CISD1: variants seen among roughly 807,000 people sequenced by gnomAD.
CISD1 encodes CDGSH iron sulfur domain 1.
CISD1 carries 8 observed loss-of-function variants against 12.0 expected under a neutral mutation model. The ratio of observed to expected loss-of-function variants is 0.67; its 90% CI spans 0.39 to 1.20. The LOEUF is 1.20. Ranked by LOEUF, CISD1 falls within the 50% of genes most tolerant of loss-of-function variation. The pLI, the probability that CISD1 is intolerant of heterozygous loss-of-function variation, is 0.01. For missense variants in CISD1, 107 were observed against 132.7 expected, an observed-to-expected ratio of 0.81 and a Z score of 0.95; for synonymous variants, 38 against 42.2, an observed-to-expected ratio of 0.90 and a Z score of 0.39.
At chr10:58,278,318 C>T (rs1161298793) in intron 2 of CISD1, among the ~76,000 whole-genome samples, 3 of 151,972 alleles carry the variant, frequency 2.0e-5, no homozygotes, top group Non-Finnish European at 4.4e-5. Flanking sequence ...CAGATCACTT[C>T]AGCCCATTAG....
At chr10:58,283,733 A>G (rs1488951064) in intron 2 of CISD1, among the ~76,000 whole-genome samples, 3 of 152,188 alleles carry the variant, frequency 2.0e-5, no homozygotes, top group African/African-American at 7.2e-5. Context: ...TGTTTTTTCT[A>G]CTAAAGCTTT....
Position 58,277,291 on chromosome 10 carries a change from C to G in CISD1, c.206C>G (p.Ala69Gly), listed in dbSNP as rs769192686. Residue 69 changes from alanine (A) to glycine (G), a missense_variant, in exon 2 of 3, where the codon GCT becomes GGT. Transcript: ENST00000333926. ...AFDMEDLGDK[A>G]VYCRCWRSKK... Reference sequence around the variant, plus strand: ...GACATGGAGGATTTGGGAGATAAAGCTGTGTACTGCCGTTGTTGGAGGTCC... The same window carrying G: ...GACATGGAGGATTTGGGAGATAAAGGTGTGTACTGCCGTTGTTGGAGGTCC... 4 of 1,604,062 alleles carry G rather than the reference C, an allele frequency of 2.5e-6. No individual in the cohort carries two copies. Among genetic ancestry groups the G allele is most frequent in the Non-Finnish European group, 3.4e-6 (4 of 1,175,612 alleles).
intron 2 of CISD1, among the ~76,000 whole-genome samples, chr10:58,282,119 G>A (rs1290524658): frequency 6.6e-6 from 1 of 152,088 alleles, no homozygotes; most frequent in Non-Finnish European, 1.5e-5. Context: ...GCACAACCAT[G>A]CCTGGCTAAT....
chr10:58,274,337 C>G (rs1380659472), intron 1 of CISD1, among the ~76,000 whole-genome samples: 1 of 151,368 alleles, frequency 6.6e-6, no homozygotes, highest in African/African-American at 2.4e-5. Flanking sequence ...TTGTCTATCT[C>G]TGTATAGTTT....
chr10:58,282,237 C>CA (rs1446722655), intron 2 of CISD1, among the ~76,000 whole-genome samples: 8 of 152,266 alleles, frequency 5.3e-5, no homozygotes, highest in Admixed American at 3.3e-4. Flanking sequence ...GCTGGGATTG[C>CA]AGGTGTCATC....
chr10:58,270,288 TA>T (rs1839230277), intron 1 of CISD1, among the ~76,000 whole-genome samples: 1 of 152,236 alleles, frequency 6.6e-6, no homozygotes, highest in Non-Finnish European at 1.5e-5. Context: ...TGACAAAATT[TA>T]CCTGGCTAAG....
chr10:58,276,057 G>A (rs924076122), intron 1 of CISD1: 1 of 152,168 alleles, frequency 6.6e-6, no homozygotes, highest in African/African-American at 2.4e-5. Flanking sequence ...ATCTGACTCA[G>A]GAAGTGCTGG....
intron 2 of CISD1, among the ~76,000 whole-genome samples, chr10:58,283,720 C>T (rs1256317636): frequency 6.6e-6 from 1 of 152,192 alleles, no homozygotes; most frequent in Non-Finnish European, 1.5e-5. Flanking sequence ...CAAGGACCTC[C>T]ACTGTTTTTT....
In CISD1 at chr10:58,274,440, C is replaced by CA. The variant is rs1839287964; in HGVS notation, c.32-2677_32-2676insA. ...CACTCATGAAGTGATAAAATAACAA[C>CA]TTTTTTTTTTTTTTTTTTTTTTTTT... On this transcript the variant is annotated intron_variant, in intron 1 of 2. Coordinates refer to ENST00000333926, the MANE Select transcript of CISD1 (RefSeq NM_018464.5). Among the ~76,000 whole-genome samples the CA allele has an allele frequency of 5.1e-5, 4 of 79,136 alleles. No individual in the cohort carries two copies. In the South Asian group the frequency reaches 2.0e-3, roughly 39 times the overall value. 51.9% of individuals were successfully genotyped at this position (79,136 alleles called of 152,430 possible).
chr10:58,278,011 G>C (rs1421176521), intron 2 of CISD1, among the ~76,000 whole-genome samples: 2 of 152,084 alleles, frequency 1.3e-5, no homozygotes, highest in African/African-American at 4.8e-5. Context: ...TAACAATATA[G>C]GATCCTAAAA....
At chr10:58,275,823 G>A (rs1312792089) in intron 1 of CISD1, among the ~76,000 whole-genome samples, 1 of 152,158 alleles carries the variant, frequency 6.6e-6, no homozygotes, top group Non-Finnish European at 1.5e-5. Context: ...AGATACAAGA[G>A]ACTGAGAATG....
chr10:58,280,361 C>T (rs891967594), intron 2 of CISD1, among the ~76,000 whole-genome samples: 2 of 152,146 alleles, frequency 1.3e-5, no homozygotes, highest in Admixed American at 1.3e-4. Flanking sequence ...GGGAAAGGAT[C>T]AGCCAAATGC....
At position 58,269,319 on chromosome 10, in the gene CISD1, G is replaced by A. The variant is rs777324011; in HGVS notation, c.31+15G>A. ...CAGCGTACGAGGTGAAGTGGGGCCTGGGAGCGGGTGAGGCTGGTGAGGCTC... is the reference window on the plus strand; with the variant it reads ...CAGCGTACGAGGTGAAGTGGGGCCTAGGAGCGGGTGAGGCTGGTGAGGCTC... On this transcript the variant is annotated intron_variant, in intron 1 of 2. Transcript: ENST00000333926. The A allele has an allele frequency of 1.9e-6, 3 of 1,606,440 alleles. No individual in the cohort carries two copies. The highest frequency in any genetic ancestry group is 1.7e-5 in the Admixed American group (1 of 59,880).
intron 1 of CISD1, among the ~76,000 whole-genome samples, chr10:58,272,610 T>C (rs1386956768): frequency 6.6e-6 from 1 of 152,050 alleles, no homozygotes; most frequent in African/African-American, 2.4e-5. Context: ...CTCCTATAAG[T>C]TATAAACAAT....
At chr10:58,287,508 C>G in intron 2 of CISD1, 53 bp from the exon 3 acceptor site, 1 of 1,330,838 alleles carries the variant, frequency 7.5e-7, no homozygotes, top group Non-Finnish European at 1.1e-6. Flanking sequence ...CTCTGCCGAG[C>G]ATAATACTGA....
intron 1 of CISD1, chr10:58,276,112 C>T (rs989184838): frequency 6.6e-6 from 1 of 152,262 alleles, no homozygotes; most frequent in Middle Eastern, 3.4e-3. Context: ...CAACTTCTTC[C>T]TGCAGCCCAC....
Position 58,275,275 on chromosome 10 carries a change from G to C in CISD1, c.32-1842G>C, listed in dbSNP as rs146094988. 5.3e-5 allele frequency among the ~76,000 whole-genome samples: 8 copies of C among 152,338 alleles called. No homozygotes were observed. The East Asian group carries it at 1.3e-3, about 26-fold the overall frequency. ...TTCAGAGTGGCTTTCCATTAGCTAA[G>C]AAGTGGATTGCTACAGCTCCTGGCA... On this transcript the variant is annotated intron_variant, in intron 1 of 2. Coordinates refer to ENST00000333926, the MANE Select transcript of CISD1 (RefSeq NM_018464.5).
At chr10:58,282,963 A>C (rs1488107186) in intron 2 of CISD1, 1 of 152,242 alleles carries the variant, frequency 6.6e-6, no homozygotes. Flanking sequence ...CAAGGACAGC[A>C]AAAGAATACA....
In CISD1 at chr10:58,272,392, C is replaced by T. The variant is rs188704015; in HGVS notation, c.31+3088C>T. 1.1e-4 allele frequency among the ~76,000 whole-genome samples: 16 copies of T among 152,084 alleles called. No individual in the cohort carries two copies. The East Asian group carries it at 2.3e-3, about 22-fold the overall frequency. Reference sequence around the variant, plus strand: ...CTATCCCAAACCCTGATCACTACAACGCTTGTAACCAAAATTACATTTCAT... The same window carrying T: ...CTATCCCAAACCCTGATCACTACAATGCTTGTAACCAAAATTACATTTCAT... On this transcript the variant is annotated intron_variant, in intron 1 of 2. Coordinates refer to ENST00000333926, the MANE Select transcript of CISD1 (RefSeq NM_018464.5).
Sources: gnomAD v4.1 joint callset for allele counts (sites outside exome capture counted in the v4.1 genomes callset) on GRCh38, gnomAD v4.1.1 for gene constraint, MANE v1.5 for transcripts, NCBI Gene and HGNC (gene_info 2026-07-23, HGNC 2026-07-21) for gene names.